The following COL4A6 variants were observed in gnomAD, a reference collection of about 807,000 sequenced individuals.
COL4A6 encodes the protein collagen type IV alpha 6 chain, also known as collagen alpha-6(IV) chain.
COL4A6 carries 59 observed loss-of-function variants against 126.7 expected under a neutral mutation model. The observed-to-expected ratio is 0.47, with a 90% CI of 0.38 to 0.58. The LOEUF (loss-of-function observed/expected upper bound fraction) is 0.58. Ranked by LOEUF, COL4A6 falls within the 20% of genes least tolerant of loss-of-function variation. COL4A6 has a pLI of 0.00. For synonymous variants in COL4A6, 547 were observed against 496.6 expected, an observed-to-expected ratio of 1.10 and a Z score of -1.35; for missense variants, 1,285 against 1,337.3, an observed-to-expected ratio of 0.96 and a Z score of 0.61.
chrX:108,388,701 G>A (rs1303859848), intron 2 of COL4A6, among the ~76,000 whole-genome samples: 7 of 110,634 alleles, frequency 6.3e-5, no homozygotes, highest in African/African-American at 2.0e-4. Context: ...AGGGTTTTTC[G>A]TGTCTCTATC....
chrX:108,408,010 G>A (rs1389837715), intron 2 of COL4A6, among the ~76,000 whole-genome samples: 2 of 111,517 alleles, frequency 1.8e-5, no homozygotes, highest in African/African-American at 6.5e-5. Context: ...GGAAAACCAA[G>A]GCTCAGAGAA....
chrX:108,194,692 T>C (rs1440707973), intron 15 of COL4A6, 105 bp from the exon 16 acceptor site: 3 of 788,567 alleles, frequency 3.8e-6, no homozygotes, highest in African/African-American at 4.2e-5. Context: ...TTGGATGACA[T>C]TGCAGGGTAT....
chrX:108,161,584 C>T lies in COL4A6; in HGVS notation c.4333+35G>A, dbSNP rs369737390. 1.2e-4 allele frequency: 83 copies of T among 686,371 alleles called. 1 individual carries two copies. The highest frequency in any genetic ancestry group is 3.2e-4 in the African/African-American group (14 of 43,632). The allele number at this position is 686,371 out of a possible 1,213,427, so 56.6% of individuals were successfully genotyped here. A position where few individuals can be genotyped will look rare whatever the true frequency, so the allele number is the denominator to read the frequency against. On this transcript the variant is annotated intron_variant, in intron 42 of 44. Coordinates refer to ENST00000334504, the MANE Select transcript of COL4A6 (RefSeq NM_033641.4). ...TCAAACCCTCCCAGACCACCATCCC[C>T]GCCCCGCCCGCCTCCTAATGTGGCA...
chrX:108,423,249 A>G (rs750412327), intron 2 of COL4A6, among the ~76,000 whole-genome samples: 12 of 112,070 alleles, frequency 1.1e-4, no homozygotes, highest in Middle Eastern at 4.6e-3. Context: ...TTGGCAATTG[A>G]CCAGTTAAAT....
At chrX:108,317,503 T>C (rs2038909842) in intron 2 of COL4A6, among the ~76,000 whole-genome samples, 1 of 112,280 alleles carries the variant, frequency 8.9e-6, no homozygotes, top group Non-Finnish European at 1.9e-5. Context: ...TTTCTCACTT[T>C]TGTCATAATC....
intron 2 of COL4A6, among the ~76,000 whole-genome samples, chrX:108,391,178 G>A (rs1343833134): frequency 6.3e-5 from 7 of 111,574 alleles, no homozygotes; most frequent in African/African-American, 1.6e-4. Context: ...AGGGTGAAGG[G>A]CCCACTTGAG....
intron 3 of COL4A6, among the ~76,000 whole-genome samples, chrX:108,285,926 T>C: frequency 1.8e-5 from 2 of 111,952 alleles, no homozygotes; most frequent in Middle Eastern, 9.1e-3. Context: ...GTATCTATTA[T>C]GAGCCAATTT....
Position 108,157,181 on chromosome X carries a change from G to A in COL4A6, c.4892C>T (p.Pro1631Leu), listed in dbSNP as rs759799172. ...GSCLEDFRATPFIECSGARGT... is the reference protein window; with the variant it reads ...GSCLEDFRATLFIECSGARGT... ...TCGGGCACCACTGCATTCGATGAAA[G>A]GAGTGGCCCGAAAGTCCTCTAGGCA... is the stretch of plus-strand genomic sequence containing the variant. Residue 1631 changes from proline (P) to leucine (L), a missense_variant, in exon 45 of 45, where the codon CCT (proline) becomes CTT (leucine). Physicochemically the swap from Pro to Leu is moderately conservative, Grantham distance 98. Coordinates refer to ENST00000334504, the MANE Select transcript of COL4A6 (RefSeq NM_033641.4). 5.3e-5 allele frequency: 64 copies of A among 1,210,455 alleles called. No individual in the cohort carries two copies. The highest frequency in any genetic ancestry group is 5.0e-5 in the Non-Finnish European group (45 of 895,306).
chrX:108,253,556 G>A (rs1230041706), intron 3 of COL4A6, among the ~76,000 whole-genome samples: 2 of 111,917 alleles, frequency 1.8e-5, no homozygotes, highest in Admixed American at 9.4e-5. Context: ...CAGGGACTAC[G>A]TCTTATTCAT....
rs1242201665 is a variant in COL4A6, at chrX:108,174,534, T to A, written c.3044A>T (p.Lys1015Met). The A allele has an allele frequency of 8.3e-7, 1 of 1,208,529 alleles. No homozygotes were observed. Among genetic ancestry groups the A allele is most frequent in the East Asian group, 3.0e-5 (1 of 33,673 alleles). The change falls in exon 31 of 45, where the codon AAG (lysine) becomes ATG (methionine). Residue 1015 changes from lysine (K) to methionine (M), a missense_variant. Coordinates refer to ENST00000334504, the MANE Select transcript of COL4A6 (RefSeq NM_033641.4). Reference sequence around the variant, plus strand: ...TCCCATGAAGCCAGGGGGCCCTGGCTTTCCACTAACTCCTTTGATAATGCC... The same window carrying A: ...TCCCATGAAGCCAGGGGGCCCTGGCATTCCACTAACTCCTTTGATAATGCC... ...LPGIIKGVSGKPGPPGFMGIR... is the reference protein window; with the variant it reads ...LPGIIKGVSGMPGPPGFMGIR...
rs146029616 is a variant in COL4A6, at chrX:108,205,814, G to T, written c.610-119C>A. 6.7e-4 allele frequency: 377 copies of T among 566,207 alleles called. 4 individuals are homozygous for T. The East Asian group carries it at 0.013, about 20-fold the overall frequency. 46.7% of individuals were successfully genotyped at this position (566,207 alleles called of 1,213,427 possible). A position where few individuals can be genotyped will look rare whatever the true frequency, so the allele number is the denominator to read the frequency against. ...CCATCTTTCCTGCTTTGGCATAGTA[G>T]ATTCTAGCTGTCTTTCCTATGGTTC... On this transcript the variant is annotated intron_variant, in intron 9 of 44. Transcript: ENST00000334504.
intron 5 of COL4A6, among the ~76,000 whole-genome samples, chrX:108,215,923 C>A (rs2035846817): frequency 9.0e-6 from 1 of 111,403 alleles, no homozygotes; most frequent in South Asian, 3.8e-4. Context: ...CTGTTTCCTG[C>A]TGGGATCCTG....
intron 2 of COL4A6, among the ~76,000 whole-genome samples, chrX:108,434,008 G>GT (rs1315936705): frequency 9.0e-6 from 1 of 111,620 alleles, no homozygotes; most frequent in East Asian, 2.8e-4. Context: ...AGGTCAATCA[G>GT]TTTTTTCTAT....
At chrX:108,371,440 G>A (rs994512192) in intron 2 of COL4A6, among the ~76,000 whole-genome samples, 1 of 109,400 alleles carries the variant, frequency 9.1e-6, no homozygotes, top group African/African-American at 3.3e-5. Context: ...ATATATATTA[G>A]AACTTATATA....
At chrX:108,431,644 G>C (rs1357023046) in intron 2 of COL4A6, among the ~76,000 whole-genome samples, 2 of 111,421 alleles carry the variant, frequency 1.8e-5, no homozygotes, top group South Asian at 7.6e-4. Context: ...AGGTTCAATT[G>C]GACTGGATTA....
intron 3 of COL4A6, among the ~76,000 whole-genome samples, chrX:108,236,067 TC>T (rs1215561107): frequency 9.0e-6 from 1 of 111,515 alleles, no homozygotes; most frequent in Non-Finnish European, 1.9e-5. Flanking sequence ...GTGCTGGCAA[TC>T]TTTCAGAAAA....
chrX:108,370,027 A>G (rs1409550240), intron 2 of COL4A6, among the ~76,000 whole-genome samples: 1 of 112,267 alleles, frequency 8.9e-6, no homozygotes, highest in African/African-American at 3.2e-5. Flanking sequence ...GGGGGAAATA[A>G]CATTGTTGAA....
chrX:108,188,621 C>A lies in COL4A6; in HGVS notation c.1483G>T (p.Glu495Ter), dbSNP rs1311288972. 8.4e-7 allele frequency: 1 copy of A among 1,196,189 alleles called. No individual in the cohort carries two copies. Among genetic ancestry groups the A allele is most frequent in the Non-Finnish European group, 1.1e-6 (1 of 887,904 alleles). ...GGVPNTGPPG[E>*]PGPPGPWGLI... ...CCCCATGGACCAGGTGGGCCTGGTT[C>A]CCCGGGTGGTCCAGTGTTGGGAACA... The change falls in exon 21 of 45, where the codon GAA becomes TAA. Residue 495 changes from glutamate to a stop codon, truncating the protein, a stop_gained. Transcript: ENST00000334504. LOFTEE classifies it high-confidence loss of function.
At position 108,190,285 on chromosome X, in the gene COL4A6, C is replaced by T. The variant is rs2295917; in HGVS notation, c.1426+107G>A. On this transcript the variant is annotated intron_variant, in intron 20 of 44. Transcript: ENST00000334504. Reference sequence around the variant, plus strand: ...CTATAATCAAAGCCCCAAACAAGATCCACAGTTGCTTCTGTTTAGGTTCCC... The same window carrying T: ...CTATAATCAAAGCCCCAAACAAGATTCACAGTTGCTTCTGTTTAGGTTCCC... 1.5e-3 allele frequency: 784 copies of T among 515,766 alleles called. 4 individuals carry two copies. The East Asian group carries it at 0.016, about 11-fold the overall frequency. The allele number at this position is 515,766 out of a possible 1,213,427, so 42.5% of individuals were successfully genotyped here. A position where few individuals can be genotyped will look rare whatever the true frequency, so the allele number is the denominator to read the frequency against.
Sources: allele counts gnomAD v4.1 joint callset (sites outside exome capture counted in the v4.1 genomes callset), GRCh38; gene constraint gnomAD v4.1.1; transcripts MANE v1.5; gene names NCBI Gene and HGNC (gene_info 2026-07-23, HGNC 2026-07-21).